The following OXR1 variants were observed in gnomAD, a reference collection of about 807,000 sequenced individuals.
The protein encoded by OXR1 is oxidation resistance 1, also known as oxidation resistance protein 1.
In OXR1, 41 loss-of-function variants were observed where a neutral mutation model predicts 104.6. The ratio of observed to expected loss-of-function variants is 0.39; its 90% CI spans 0.31 to 0.51. OXR1 has a LOEUF of 0.51. OXR1 is among the 20% of genes least tolerant of loss of function. The pLI is 0.77. For missense variants in OXR1, 955 were observed against 1,031.9 expected, an observed-to-expected ratio of 0.93 and a Z score of 1.02; for synonymous variants, 348 against 348.4, an observed-to-expected ratio of 1.00 and a Z score of 0.01.
chr8:106,653,172 T>TAAGC (rs1824764326), intron 3 of OXR1, among the ~76,000 whole-genome samples: 1 of 151,192 alleles, frequency 6.6e-6, no homozygotes, highest in African/African-American at 2.4e-5. Flanking sequence ...AATGGTGAAT[T>TAAGC]CTACCAAACA....
At chr8:106,709,543 A>T (rs1283630309) in intron 9 of OXR1, among the ~76,000 whole-genome samples, 1 of 151,860 alleles carries the variant, frequency 6.6e-6, no homozygotes, top group African/African-American at 2.4e-5. Context: ...TTTGAAAAAG[A>T]TAAAATAATC....
At chr8:106,683,854 A>G (rs552062153) in intron 5 of OXR1, among the ~76,000 whole-genome samples, 54 of 152,308 alleles carry the variant, frequency 3.5e-4, no homozygotes, top group African/African-American at 1.1e-3. Flanking sequence ...GCTAAGGTCA[A>G]TAGTGCTGTA....
chr8:106,732,085 C>T (rs926880807), intron 11 of OXR1, among the ~76,000 whole-genome samples: 19 of 151,914 alleles, frequency 1.3e-4, no homozygotes, highest in African/African-American at 4.4e-4. Flanking sequence ...CTTTTTTTCA[C>T]GTAGATCTCT....
Position 106,684,265 on chromosome 8 carries a change from C to T in OXR1, c.431C>T (p.Pro144Leu). Residue 144 changes from proline (P) to leucine (L), a missense_variant, in exon 6 of 17, where the codon CCT (proline) becomes CTT (leucine). Pro to Leu is a moderately conservative substitution (Grantham distance 98, BLOSUM62 -3). This residue lies in a region of OXR1 where 849 missense variants were observed against 852.9 expected (regional missense o/e 1.00). Coordinates refer to ENST00000517566, the MANE Select transcript of OXR1 (RefSeq NM_001198533.2). ...TTACAGGTTCTGTATGTTCCTGATCCTGAATATGTCTCCAGTGTTGAGAGC... is the reference window on the plus strand; with the variant it reads ...TTACAGGTTCTGTATGTTCCTGATCTTGAATATGTCTCCAGTGTTGAGAGC... Reference protein sequence around the residue: ...VTGQVLYVPDPEYVSSVESSP... With the variant: ...VTGQVLYVPDLEYVSSVESSP... The T allele has an allele frequency of 6.3e-7, 1 of 1,593,768 alleles. No homozygotes were observed. Among genetic ancestry groups the T allele is most frequent in the Non-Finnish European group, 8.6e-7 (1 of 1,162,086 alleles).
At chr8:106,284,038 C>G (rs954373492) in intron 1 of OXR1, among the ~76,000 whole-genome samples, 1 of 151,856 alleles carries the variant, frequency 6.6e-6, no homozygotes, top group African/African-American at 2.4e-5. Context: ...CTAACAAATG[C>G]TGAGGATCCA....
At chr8:106,567,894 T>G (rs1250498659) in intron 3 of OXR1, among the ~76,000 whole-genome samples, 3 of 152,184 alleles carry the variant, frequency 2.0e-5, no homozygotes, top group Admixed American at 2.0e-4. Context: ...TAACAGCCAC[T>G]GAACAATGTC....
intron 2 of OXR1, among the ~76,000 whole-genome samples, chr8:106,420,545 G>C (rs1281799478): frequency 6.6e-6 from 1 of 151,778 alleles, no homozygotes; most frequent in Non-Finnish European, 1.5e-5. Context: ...TACTCATTAA[G>C]ATAGTTTTGT....
At chr8:106,439,539 T>C (rs1819703428) in intron 2 of OXR1, among the ~76,000 whole-genome samples, 1 of 152,174 alleles carries the variant, frequency 6.6e-6, no homozygotes, top group Admixed American at 6.6e-5. Context: ...TGCTTTCCTT[T>C]TTTTCTGATA....
At chr8:106,558,809 T>G (rs1035840015) in intron 3 of OXR1, among the ~76,000 whole-genome samples, 6 of 152,172 alleles carry the variant, frequency 3.9e-5, no homozygotes, top group Non-Finnish European at 7.4e-5. Context: ...TCCCTATATC[T>G]TCACAACAAG....
chr8:106,498,503 C>T (rs904543497), intron 2 of OXR1, among the ~76,000 whole-genome samples: 3 of 152,270 alleles, frequency 2.0e-5, no homozygotes, highest in African/African-American at 7.2e-5. Flanking sequence ...AAGCTTTATA[C>T]GAAATCCAGA....
chr8:106,684,359 T>G lies in OXR1; in HGVS notation c.525T>G (p.Thr175=). Residue 175 remains threonine, a splice_region_variant and synonymous_variant, in exon 6 of 17, where the codon ACT becomes ACG. Coordinates refer to ENST00000517566, the MANE Select transcript of OXR1 (RefSeq NM_001198533.2). ...TSSEAEFDKT[T]NPDVHPTEAT... ...CTGAGGCTGAATTTGATAAGACCAC[T>G]GTAAGTATCTCTGCTTTGCAAAGAT... is the stretch of plus-strand genomic sequence containing the variant. The G allele has an allele frequency of 6.9e-7, 1 of 1,441,690 alleles. No individual in the cohort carries two copies. The highest frequency in any genetic ancestry group is 9.8e-7 in the Non-Finnish European group (1 of 1,023,320). The allele number at this position is 1,441,690 out of a possible 1,614,324, so 89.3% of individuals were successfully genotyped here.
intron 2 of OXR1, among the ~76,000 whole-genome samples, chr8:106,492,913 C>T (rs1811189338): frequency 6.6e-6 from 1 of 152,134 alleles, no homozygotes; most frequent in Admixed American, 6.6e-5. Context: ...TAGACAGGGA[C>T]ACAAGCCTTT....
chr8:106,424,071 G>A (rs1202524334), intron 2 of OXR1, among the ~76,000 whole-genome samples: 1 of 151,998 alleles, frequency 6.6e-6, no homozygotes, highest in African/African-American at 2.4e-5. Flanking sequence ...CAAGTAGCTG[G>A]GACTACAGAC....
At chr8:106,294,173 C>A (rs536895777) in intron 1 of OXR1, among the ~76,000 whole-genome samples, 1 of 151,386 alleles carries the variant, frequency 6.6e-6, no homozygotes, top group South Asian at 2.1e-4. Context: ...GAGGCCGAGG[C>A]GGGCAGATAA....
intron 2 of OXR1, among the ~76,000 whole-genome samples, chr8:106,388,854 G>C (rs1253592836): frequency 6.6e-6 from 1 of 152,208 alleles, no homozygotes; most frequent in Non-Finnish European, 1.5e-5. Flanking sequence ...AAAGCTGATA[G>C]TATAAAATTA....
At chr8:106,366,111 C>T (rs577401466) in intron 2 of OXR1, among the ~76,000 whole-genome samples, 1 of 152,256 alleles carries the variant, frequency 6.6e-6, no homozygotes, top group African/African-American at 2.4e-5. Flanking sequence ...AGCTTACAAC[C>T]AGGTTTGGGG....
At chr8:106,436,699 C>T (rs761364506) in intron 2 of OXR1, among the ~76,000 whole-genome samples, 20 of 152,120 alleles carry the variant, frequency 1.3e-4, no homozygotes, top group Non-Finnish European at 2.1e-4. Flanking sequence ...CTGTATGTTT[C>T]TCTCTGTCAG....
At chr8:106,302,888 A>G (rs561035078) in intron 1 of OXR1, among the ~76,000 whole-genome samples, 4 of 150,474 alleles carry the variant, frequency 2.7e-5, no homozygotes, top group Non-Finnish European at 5.9e-5. Context: ...AGTAGCTGGG[A>G]CTACAGGCGC....
intron 2 of OXR1, among the ~76,000 whole-genome samples, chr8:106,495,343 C>T (rs1284011687): frequency 6.6e-6 from 1 of 152,024 alleles, no homozygotes; most frequent in Non-Finnish European, 1.5e-5. Flanking sequence ...TTGCACTCAT[C>T]CTGGAAGAAG....
Sources: gnomAD v4.1 joint callset for allele counts (sites outside exome capture counted in the v4.1 genomes callset) on GRCh38, gnomAD v4.1.1 for gene constraint, gnomAD v4.1.1 regional missense constraint, MANE v1.5 for transcripts, NCBI Gene and HGNC (gene_info 2026-07-23, HGNC 2026-07-21) for gene names.